Variants in RNF14 observed in about 807,000 individuals in gnomAD.
RNF14 encodes ring finger protein 14.
A neutral mutation model predicts 52.6 loss-of-function variants in RNF14; 26 were observed. That is an observed-to-expected ratio of 0.49 (90% confidence interval 0.36 to 0.69). RNF14 has a LOEUF of 0.69. Ranked by LOEUF, RNF14 falls within the 30% of genes least tolerant of loss-of-function variation. The pLI is 0.00. For synonymous variants in RNF14, 194 were observed against 202.0 expected, an observed-to-expected ratio of 0.96 and a Z score of 0.34; for missense variants, 404 against 560.4, an observed-to-expected ratio of 0.72 and a Z score of 2.82.
At chr5:141,949,522 G>C in the RNF14 span, 5 of 1,614,040 alleles carry the variant, frequency 3.1e-6, no homozygotes, top group Admixed American at 1.7e-5. Flanking sequence ...CCTTCCTCCT[G>C]TTCTGGGTCT....
At chr5:141,954,420 G>T (rs1753141124), upstream of RNF14, among the ~76,000 whole-genome samples, 2 of 152,212 alleles carry the variant, frequency 1.3e-5, no homozygotes, top group Admixed American at 6.5e-5. Flanking sequence ...ATAATTTGCT[G>T]AGTACTGACT....
the RNF14 span, among the ~76,000 whole-genome samples, chr5:141,949,970 C>T: frequency 6.6e-6 from 1 of 152,198 alleles, no homozygotes; most frequent in Non-Finnish European, 1.5e-5. Context: ...TAGTAAACCT[C>T]AGTGGAGCCA....
upstream of RNF14, among the ~76,000 whole-genome samples, chr5:141,954,817 A>G (rs546174437): frequency 1.3e-5 from 2 of 152,322 alleles, no homozygotes; most frequent in South Asian, 4.1e-4. Flanking sequence ...GCCGATCACA[A>G]AGCTGTGCCC....
chr5:141,958,157 C>G, upstream of RNF14: 1 of 345,850 alleles, frequency 2.9e-6, no homozygotes, highest in Non-Finnish European at 5.3e-6. Context: ...AGGGACCTGA[C>G]CCAGTTGAGC....
chr5:141,961,049 G>C lies in RNF14; in HGVS notation c.-181+2624G>C, dbSNP rs1303729942. On this transcript the variant is annotated intron_variant, in intron 1 of 4. Transcript: ENST00000506822. ...AATACAACAGGAGAAGCTACTCACT[G>C]ATGACAATAGTATCTCTTAATGGAA... Among the ~76,000 whole-genome samples the C allele has an allele frequency of 2.0e-5, 3 of 152,220 alleles. No individual in the cohort carries two copies. In the East Asian group the frequency reaches 5.8e-4, roughly 29 times the overall value.
chr5:141,971,122 TTGAC>T lies in RNF14; in HGVS notation c.-7+248_-7+251del, dbSNP rs1168906768. On this transcript the variant is annotated intron_variant, in intron 2 of 8. Transcript: ENST00000394520. ...ATGCAATTGTAGTTCAATATTTTAATTGACTGGTAGTTTTGTTTTATTAAAATGA... is the reference window on the plus strand; with the variant it reads ...ATGCAATTGTAGTTCAATATTTTAATTGGTAGTTTTGTTTTATTAAAATGA... Among the ~76,000 whole-genome samples, 10 of 152,392 alleles carry T rather than the reference TTGAC, an allele frequency of 6.6e-5. No individual in the cohort carries two copies. The East Asian group carries it at 9.6e-4, about 15-fold the overall frequency.
At chr5:141,982,971 C>G (rs188811724) in intron 6 of RNF14, among the ~76,000 whole-genome samples, 95 of 152,204 alleles carry the variant, frequency 6.2e-4, no homozygotes, top group African/African-American at 2.2e-3. Context: ...AAAAAAATAG[C>G]CTATCTTATT....
chr5:141,969,670 A>C (rs756238381), intron 1 of RNF14: 1 of 152,288 alleles, frequency 6.6e-6, no homozygotes, highest in Non-Finnish European at 1.5e-5. Context: ...AGGGTAGGTC[A>C]TGAGGAACTG....
At position 141,984,933 on chromosome 5, in the gene RNF14, G is replaced by A. The variant is rs779355497; in HGVS notation, c.1367G>A (p.Arg456Gln). The change falls in exon 8 of 9, where the codon CGG becomes CAG. Residue 456 changes from arginine to glutamine, a missense_variant and splice_region_variant. Arg to Gln is a conservative substitution (Grantham distance 43). Transcript: ENST00000394520. The part of the protein sequence containing the change: ...FNDPGSPCFN[R>Q]LFYAVDVDDD... ...GACCCTGGTTCACCATGTTTTAACC[G>A]GTATGTATACACAGAATTCCTCAGG... 8 of 1,613,050 alleles carry A rather than the reference G, an allele frequency of 5.0e-6. No individual in the cohort carries two copies. The highest frequency in any genetic ancestry group is 2.2e-5 in the East Asian group (1 of 44,838).
At chr5:141,954,989 CCA>C, upstream of RNF14, 4 of 1,612,514 alleles carry the variant, frequency 2.5e-6, no homozygotes, top group Non-Finnish European at 2.5e-6. Context: ...GGAGGAGAAT[CCA>C]CAGTGAGCTC....
chr5:141,964,048 G>C (rs1753297470), upstream of RNF14, among the ~76,000 whole-genome samples: 1 of 152,138 alleles, frequency 6.6e-6, no homozygotes, highest in Admixed American at 6.5e-5. Flanking sequence ...GCCAGGTTGC[G>C]AGTATAAACA....
At chr5:141,960,620 A>C (rs995534461) in intron 1 of RNF14, among the ~76,000 whole-genome samples, 77 of 152,258 alleles carry the variant, frequency 5.1e-4, no homozygotes, top group African/African-American at 1.8e-3. Flanking sequence ...GCTTTTGAAA[A>C]GCTCTACGCA....
upstream of RNF14, chr5:141,955,944 G>T (rs1199310609): frequency 1.2e-6 from 2 of 1,614,186 alleles, no homozygotes; most frequent in South Asian, 2.2e-5. The surrounding 1 kb of genome is among the most constrained non-coding windows in gnomAD (Gnocchi z 5.5). Context: ...TGCGGATGCT[G>T]TAGAGGGGCT....
chr5:141,957,682 T>C, upstream of RNF14: 1 of 1,614,100 alleles, frequency 6.2e-7, no homozygotes, highest in Non-Finnish European at 8.5e-7. This position sits in a 1 kb window ranked among gnomAD's most constrained non-coding sequence, Gnocchi z 4.3. Context: ...CCTCCGCCTC[T>C]CCTCCCGGCC....
chr5:141,986,680 G>A (rs890592544), intron 8 of RNF14, among the ~76,000 whole-genome samples: 5 of 152,152 alleles, frequency 3.3e-5, no homozygotes, highest in Admixed American at 6.5e-5. Flanking sequence ...AGTTGAAGCC[G>A]GCAAGGTGGC....
upstream of RNF14, chr5:141,957,704 A>G (rs750898592): frequency 1.9e-6 from 3 of 1,614,106 alleles, no homozygotes; most frequent in Non-Finnish European, 2.5e-6. This position sits in a 1 kb window ranked among gnomAD's most constrained non-coding sequence, Gnocchi z 4.3. Context: ...AGTTCCTGGG[A>G]CAGCTTCCCG....
chr5:141,955,586 C>T (rs758697005), upstream of RNF14: 28 of 1,614,014 alleles, frequency 1.7e-5, no homozygotes, highest in East Asian at 2.5e-4. The surrounding 1 kb of genome is among the most constrained non-coding windows in gnomAD (Gnocchi z 5.5). Context: ...TAGGTGGACT[C>T]GGCCTCCCGA....
the RNF14 span, among the ~76,000 whole-genome samples, chr5:141,949,973 T>C: frequency 6.6e-6 from 1 of 152,330 alleles, no homozygotes; most frequent in Non-Finnish European, 1.5e-5. Context: ...TAAACCTCAG[T>C]GGAGCCAGTG....
upstream of RNF14, chr5:141,957,554 G>C (rs1264770166): frequency 1.2e-6 from 2 of 1,614,098 alleles, no homozygotes; most frequent in African/African-American, 2.7e-5. The surrounding 1 kb of genome is among the most constrained non-coding windows in gnomAD (Gnocchi z 4.3). Context: ...GGATCCCACT[G>C]TCGGCACAGC....
Sources: allele counts gnomAD v4.1 joint callset (sites outside exome capture counted in the v4.1 genomes callset), GRCh38; gene constraint gnomAD v4.1.1; non-coding constraint Gnocchi (gnomAD v3.1); transcripts MANE v1.5; gene names NCBI Gene and HGNC (gene_info 2026-07-23, HGNC 2026-07-21).